DYNC1I1: variants seen among roughly 807,000 people sequenced by gnomAD.
DYNC1I1 encodes cytoplasmic dynein 1 intermediate chain 1.
In DYNC1I1, 43 loss-of-function variants were observed where a neutral mutation model predicts 86.6. That is an observed-to-expected ratio of 0.50 (90% CI 0.39 to 0.64). DYNC1I1 has a LOEUF of 0.64. DYNC1I1 is among the 30% of genes least tolerant of loss of function. DYNC1I1 has a pLI of 0.00. For synonymous variants in DYNC1I1, 262 were observed against 283.7 expected (o/e 0.92, Z 0.77); for missense variants, 604 against 788.8 (o/e 0.77, Z 2.81).
chr7:95,859,325 G>A (rs181868682), intron 5 of DYNC1I1, among the ~76,000 whole-genome samples: 1 of 151,712 alleles, frequency 6.6e-6, no homozygotes, highest in African/African-American at 2.4e-5. Context: ...TTTTCTGTAG[G>A]GTCAGTCACT....
intron 9 of DYNC1I1, among the ~76,000 whole-genome samples, chr7:95,989,773 T>TG (rs1562964930): frequency 6.6e-6 from 1 of 152,124 alleles, no homozygotes; most frequent in Non-Finnish European, 1.5e-5. Context: ...ACCTACGCTG[T>TG]GGGGAAGAGG....
intron 15 of DYNC1I1, among the ~76,000 whole-genome samples, chr7:96,079,797 G>T (rs564494230): frequency 7.9e-5 from 12 of 152,114 alleles, no homozygotes; most frequent in African/African-American, 2.9e-4. Context: ...GAGAGAATTT[G>T]AGTTTTTTGA....
At chr7:96,039,465 A>C (rs1562981619) in intron 14 of DYNC1I1, 44 bp downstream of exon 14, 2 of 1,611,734 alleles carry the variant, frequency 1.2e-6, no homozygotes, top group East Asian at 2.2e-5. Context: ...ACATAAGGGC[A>C]GAGGATGGTT....
intron 14 of DYNC1I1, among the ~76,000 whole-genome samples, chr7:96,066,223 C>T (rs967085626): frequency 1.3e-5 from 2 of 152,200 alleles, no homozygotes; most frequent in African/African-American, 4.8e-5. Context: ...TTGCTCTCCT[C>T]TTCTTGACTG....
chr7:95,933,147 T>A (rs1791947595), intron 6 of DYNC1I1, among the ~76,000 whole-genome samples: 1 of 152,194 alleles, frequency 6.6e-6, no homozygotes, highest in Non-Finnish European at 1.5e-5. Context: ...CCTCCCGAAG[T>A]GCTGGGATTA....
chr7:96,003,685 G>A (rs1019299170), intron 10 of DYNC1I1, among the ~76,000 whole-genome samples: 1 of 152,120 alleles, frequency 6.6e-6, no homozygotes, highest in African/African-American at 2.4e-5. Context: ...TTTCAGGAAA[G>A]GAACCAGTAC....
At chr7:95,989,035 T>C (rs1273079782) in intron 9 of DYNC1I1, among the ~76,000 whole-genome samples, 2 of 152,148 alleles carry the variant, frequency 1.3e-5, no homozygotes, top group Non-Finnish European at 2.9e-5. Context: ...GATCTGAAAC[T>C]AAAAGAGCTT....
intron 16 of DYNC1I1, among the ~76,000 whole-genome samples, chr7:96,087,317 A>G (rs1461651362): frequency 6.6e-6 from 1 of 152,210 alleles, no homozygotes; most frequent in African/African-American, 2.4e-5. Context: ...ATTTGCAATC[A>G]GCCAGTTTTA....
chr7:95,906,908 T>C (rs1235593926), intron 6 of DYNC1I1, among the ~76,000 whole-genome samples: 1 of 152,204 alleles, frequency 6.6e-6, no homozygotes, highest in Non-Finnish European at 1.5e-5. Flanking sequence ...GGAAAAGTCT[T>C]AGAATAAATC....
intron 14 of DYNC1I1, among the ~76,000 whole-genome samples, chr7:96,070,676 T>A (rs117950595): frequency 6.6e-6 from 1 of 152,328 alleles, no homozygotes; most frequent in Non-Finnish European, 1.5e-5. Context: ...GTTTGGGTCA[T>A]TTAGAGACAA....
chr7:96,107,536 T>C (rs7781939), intron 16 of DYNC1I1, among the ~76,000 whole-genome samples: 14,904 of 148,210 alleles, frequency 0.1, 834 homozygotes, highest in Non-Finnish European at 0.13. Flanking sequence ...ATTTCTTCTT[T>C]TTTTTTTTTT....
Position 95,922,715 on chromosome 7 carries a change from C to G in DYNC1I1, c.490+52717C>G, listed in dbSNP as rs73393029. 3.0e-3 allele frequency among the ~76,000 whole-genome samples: 454 copies of G among 152,170 alleles called. 3 individuals carry two copies. Among genetic ancestry groups the G allele is most frequent in the African/African-American group, 0.01 (432 of 41,494 alleles). ...CCTCATTGACTTTTAGGTTTAGGCA[C>G]TAAGGAAAAGCAGCAGCCCCCGGTC... is the stretch of plus-strand genomic sequence containing the variant. On this transcript the variant is annotated intron_variant, in intron 6 of 16. Transcript: ENST00000447467.
intron 2 of DYNC1I1, among the ~76,000 whole-genome samples, chr7:95,808,378 C>CTGT (rs1562901492): frequency 6.6e-6 from 1 of 152,064 alleles, no homozygotes; most frequent in African/African-American, 2.4e-5. Flanking sequence ...TGATTATCTC[C>CTGT]ACAGAATTCA....
intron 5 of DYNC1I1, among the ~76,000 whole-genome samples, chr7:95,860,446 T>C (rs1337023966): frequency 1.3e-5 from 2 of 152,212 alleles, no homozygotes; most frequent in Admixed American, 1.3e-4. Context: ...TGGCAGCATC[T>C]TTAATGTATC....
chr7:95,784,381 G>A (rs548095459), intron 1 of DYNC1I1, among the ~76,000 whole-genome samples: 1 of 152,298 alleles, frequency 6.6e-6, no homozygotes, highest in Non-Finnish European at 1.5e-5. Flanking sequence ...TGTGCTTGGG[G>A]CCAGTGCCGT....
At chr7:95,790,386 T>G (rs1195636569) in intron 1 of DYNC1I1, among the ~76,000 whole-genome samples, 1 of 152,194 alleles carries the variant, frequency 6.6e-6, no homozygotes, top group Non-Finnish European at 1.5e-5. Context: ...CTGGTCATTC[T>G]TCTTACCTCC....
chr7:95,779,014 C>T (rs546090331), intron 1 of DYNC1I1, among the ~76,000 whole-genome samples: 11 of 152,064 alleles, frequency 7.2e-5, no homozygotes, highest in Non-Finnish European at 1.6e-4. Flanking sequence ...TTGTCTTCTC[C>T]AGGGGACATT....
intron 16 of DYNC1I1, among the ~76,000 whole-genome samples, chr7:96,090,954 A>G (rs1470155734): frequency 5.3e-5 from 8 of 152,122 alleles, no homozygotes. Flanking sequence ...AGTTAAATAC[A>G]GTGGGGCTGT....
intron 14 of DYNC1I1, among the ~76,000 whole-genome samples, chr7:96,048,686 C>T (rs181034476): frequency 6.6e-6 from 1 of 152,306 alleles, no homozygotes; most frequent in African/African-American, 2.4e-5. Context: ...TCCTTTCTCC[C>T]AGGGTTGTGT....
Sources: allele counts gnomAD v4.1 joint callset (sites outside exome capture counted in the v4.1 genomes callset), GRCh38; gene constraint gnomAD v4.1.1; transcripts MANE v1.5; gene names NCBI Gene and HGNC (gene_info 2026-07-23, HGNC 2026-07-21).